DOCK10: variants seen among roughly 807,000 people sequenced by gnomAD.
DOCK10 encodes the protein dedicator of cytokinesis 10.
Under a neutral mutation model 280.1 loss-of-function variants are expected in DOCK10, and 145 were observed. The observed-to-expected ratio is 0.52, with a 90% CI of 0.45 to 0.59. The LOEUF (loss-of-function observed/expected upper bound fraction) is 0.59. DOCK10 is among the 20% of genes least tolerant of loss of function. The pLI, the probability that DOCK10 is intolerant of heterozygous loss-of-function variation, is 0.00. For missense variants in DOCK10, 2,368 were observed against 2,651.7 expected (o/e 0.89, Z 2.35); for synonymous variants, 915 against 942.2 (o/e 0.97, Z 0.53).
chr2:224,845,210 C>G lies in DOCK10; in HGVS notation c.2474G>C (p.Ser825Thr). Residue 825 changes from serine (S) to threonine (T), a missense_variant, in exon 21 of 56, where the codon AGT becomes ACT. Transcript: ENST00000258390. ...TTACACATTATTCAATACCTTTCCA[C>G]TTGCAGAATCTTGAAAGCTTAAATA... ...PNYLSFQDSA[S>T]GKHGGSDIKW... is the part of the protein sequence containing the mutation. 1 of 1,574,044 alleles carries G rather than the reference C, an allele frequency of 6.4e-7. No individual in the cohort carries two copies. The highest frequency in any genetic ancestry group is 8.6e-7 in the Non-Finnish European group (1 of 1,157,900).
chr2:224,892,597 C>G (rs975304010), intron 4 of DOCK10, among the ~76,000 whole-genome samples: 1 of 152,084 alleles, frequency 6.6e-6, no homozygotes, highest in African/African-American at 2.4e-5. Context: ...GTGTGATGAC[C>G]TAGGAGAAAA....
At position 224,844,835 on chromosome 2, in the gene DOCK10, C is replaced by T. The variant is rs771325130; in HGVS notation, c.2486G>A (p.Gly829Asp). 3 of 1,604,878 alleles carry T rather than the reference C, an allele frequency of 1.9e-6. No homozygotes were observed. Among genetic ancestry groups the T allele is most frequent in the Non-Finnish European group, 2.6e-6 (3 of 1,174,870 alleles). Residue 829 changes from glycine (G) to aspartate (D), a missense_variant, in exon 22 of 56, where the codon GGT (glycine) becomes GAT (aspartate). Coordinates refer to ENST00000258390, the MANE Select transcript of DOCK10 (RefSeq NM_014689.3). ...SFQDSASGKH[G>D]GSDIKWVDGG... ...ATCAACCCATTTAATGTCACTCCCACCATGCTGCAAAATAAAGTTTGTTTA... is the reference window on the plus strand; with the variant it reads ...ATCAACCCATTTAATGTCACTCCCATCATGCTGCAAAATAAAGTTTGTTTA...
intron 2 of DOCK10, among the ~76,000 whole-genome samples, chr2:224,923,355 C>T (rs1701874133): frequency 6.6e-6 from 1 of 152,166 alleles, no homozygotes; most frequent in Non-Finnish European, 1.5e-5. Context: ...AGTCATTTCA[C>T]TTCTTTTTTG....
chr2:224,883,236 C>T (rs980183512), intron 7 of DOCK10, among the ~76,000 whole-genome samples: 5 of 152,284 alleles, frequency 3.3e-5, no homozygotes, highest in South Asian at 2.1e-4. Context: ...CTCGAGATAT[C>T]GTGTGATAGT....
At chr2:224,875,213 A>C (rs143099589) in intron 8 of DOCK10, among the ~76,000 whole-genome samples, 1 of 152,364 alleles carries the variant, frequency 6.6e-6, no homozygotes, top group African/African-American at 2.4e-5. Flanking sequence ...TAAAACACCT[A>C]CTATGGCATA....
At chr2:224,994,389 G>A (rs1421806744) in intron 1 of DOCK10, among the ~76,000 whole-genome samples, 3 of 152,150 alleles carry the variant, frequency 2.0e-5, no homozygotes, top group Non-Finnish European at 4.4e-5. Context: ...ATGTATAAAA[G>A]GTTTAGCATG....
chr2:224,767,778 T>A (rs1690153083), intron 55 of DOCK10, among the ~76,000 whole-genome samples: 1 of 152,214 alleles, frequency 6.6e-6, no homozygotes, highest in Admixed American at 6.5e-5. Flanking sequence ...AAACCTGCTT[T>A]TCCTCCCATC....
At chr2:224,885,907 G>T in intron 6 of DOCK10, 102 bp from the exon 7 acceptor site, 1 of 1,513,216 alleles carries the variant, frequency 6.6e-7, no homozygotes, top group Non-Finnish European at 8.9e-7. Context: ...TATATTTCTA[G>T]GACATTTTTC....
At chr2:224,957,066 T>C (rs1304715181) in intron 1 of DOCK10, among the ~76,000 whole-genome samples, 1 of 152,164 alleles carries the variant, frequency 6.6e-6, no homozygotes, top group East Asian at 1.9e-4. Flanking sequence ...GATCATTTGT[T>C]GTTTGTGTGT....
chr2:225,007,053 T>C (rs1447225656), intron 1 of DOCK10, among the ~76,000 whole-genome samples: 1 of 152,196 alleles, frequency 6.6e-6, no homozygotes, highest in Non-Finnish European at 1.5e-5. Context: ...CTGCAATCCA[T>C]CATCTTGCTT....
intron 1 of DOCK10, among the ~76,000 whole-genome samples, chr2:225,018,975 T>G (rs193034307): frequency 3.3e-5 from 5 of 150,652 alleles, no homozygotes; most frequent in African/African-American, 1.2e-4. Flanking sequence ...AATATGTGTA[T>G]GTATACATAT....
At chr2:224,896,959 G>A (rs1171394683) in intron 3 of DOCK10, among the ~76,000 whole-genome samples, 2 of 152,210 alleles carry the variant, frequency 1.3e-5, no homozygotes, top group East Asian at 3.9e-4. Context: ...CAAAAAACTA[G>A]TTTAATTGCC....
intron 1 of DOCK10, among the ~76,000 whole-genome samples, chr2:225,024,183 T>C (rs1396136670): frequency 6.6e-6 from 1 of 152,184 alleles, no homozygotes; most frequent in African/African-American, 2.4e-5. Context: ...ACTTAAGAGA[T>C]AGCACATCTA....
intron 18 of DOCK10, among the ~76,000 whole-genome samples, chr2:224,850,116 T>C (rs1348802624): frequency 6.6e-6 from 1 of 152,190 alleles, no homozygotes. Flanking sequence ...TGGGCAGTTC[T>C]AAAGTTTCTT....
chr2:224,868,791 C>T (rs76483916), intron 11 of DOCK10, among the ~76,000 whole-genome samples: 5,019 of 151,992 alleles, frequency 0.033, 263 homozygotes, highest in African/African-American at 0.11. Context: ...TACAGAAAAA[C>T]TCTTGTTTTG....
intron 15 of DOCK10, 125 bp from the exon 16 acceptor site, chr2:224,855,167 C>G (rs1391337261): frequency 4.1e-6 from 2 of 485,976 alleles, no homozygotes; most frequent in Admixed American, 7.9e-5. Context: ...TAAGGGTAAA[C>G]AGCAGACTCC....
intron 29 of DOCK10, 31 bp downstream of exon 29, chr2:224,819,415 G>A: frequency 7.0e-7 from 1 of 1,423,614 alleles, no homozygotes; most frequent in Non-Finnish European, 9.7e-7. Flanking sequence ...CCATAGTTTA[G>A]AAAACAATCA....
Position 224,874,067 on chromosome 2 carries a change from T to A in DOCK10, c.1186A>T (p.Ile396Phe), listed in dbSNP as rs779156242. ...FEEKAAKRIM[I>F]ICKALNSNLQ... is the part of the protein sequence containing the mutation. ...TTTGAGTTGAGGGCTTTACAGATGA[T>A]CATGATTCTCTTGGCAGCTTTTTCT... The change falls in exon 11 of 56, where the codon ATC becomes TTC. Residue 396 changes from isoleucine to phenylalanine, a missense_variant. Ile to Phe is a conservative substitution (Grantham distance 21). This residue lies in a region of DOCK10 where 1,209 missense variants were observed against 1,250.9 expected (regional missense o/e 0.97). Transcript: ENST00000258390. The A allele has an allele frequency of 4.3e-6, 7 of 1,613,582 alleles. No homozygotes were observed. The highest frequency in any genetic ancestry group is 2.2e-5 in the South Asian group (2 of 90,932).
At chr2:224,913,919 T>A (rs1463348407) in intron 3 of DOCK10, among the ~76,000 whole-genome samples, 2 of 152,032 alleles carry the variant, frequency 1.3e-5, no homozygotes, top group Admixed American at 1.3e-4. Flanking sequence ...TTTGTATTTT[T>A]AGTAGAGACG....
Sources: allele counts gnomAD v4.1 joint callset (sites outside exome capture counted in the v4.1 genomes callset), GRCh38; gene constraint gnomAD v4.1.1; regional missense constraint gnomAD v4.1.1; transcripts MANE v1.5; gene names NCBI Gene and HGNC (gene_info 2026-07-23, HGNC 2026-07-21).